The following MACROD2 variants were observed in gnomAD, a reference collection of about 807,000 sequenced individuals.
MACROD2 encodes mono-ADP ribosylhydrolase 2, also known as ADP-ribose glycohydrolase MACROD2.
Under a neutral mutation model 70.4 loss-of-function variants are expected in MACROD2, and 36 were observed. The observed-to-expected ratio is 0.51, with a 90% CI of 0.39 to 0.68. MACROD2 has a LOEUF of 0.68. Ranked by LOEUF, MACROD2 falls within the 30% of genes least tolerant of loss-of-function variation. MACROD2 has a pLI of 0.00. For synonymous variants in MACROD2, 172 were observed against 178.8 expected (o/e 0.96, Z 0.30); for missense variants, 496 against 538.4 (o/e 0.92, Z 0.78).
chr20:13,996,559 C>T (rs866711769), intron 1 of MACROD2: 1 of 152,218 alleles, frequency 6.6e-6, no homozygotes, highest in African/African-American at 2.4e-5. Flanking sequence ...ATGAACCCAT[C>T]TCTGAATTTT....
intron 3 of MACROD2, among the ~76,000 whole-genome samples, chr20:14,187,113 A>G (rs898677750): frequency 3.3e-5 from 5 of 149,760 alleles, no homozygotes; most frequent in African/African-American, 1.2e-4. Flanking sequence ...CTAAAAGTTG[A>G]GAAAGAATGC....
At chr20:15,860,360 C>T (rs1161012205) in intron 8 of MACROD2, among the ~76,000 whole-genome samples, 1 of 152,022 alleles carries the variant, frequency 6.6e-6, no homozygotes, top group Non-Finnish European at 1.5e-5. Flanking sequence ...TGCATTAAGC[C>T]AAATTTTCTT....
chr20:15,650,043 GAC>G (rs2146793747), intron 8 of MACROD2, among the ~76,000 whole-genome samples: 1 of 152,196 alleles, frequency 6.6e-6, no homozygotes, highest in South Asian at 2.1e-4. Context: ...AATATTGTAA[GAC>G]AATAGCTTCC....
intron 5 of MACROD2, among the ~76,000 whole-genome samples, chr20:15,125,192 G>A (rs2076057802): frequency 6.6e-6 from 1 of 152,002 alleles, no homozygotes; most frequent in Non-Finnish European, 1.5e-5. Context: ...CTCATCGACT[G>A]CATGGCACTA....
At chr20:14,471,894 G>A (rs2084535166) in intron 3 of MACROD2, among the ~76,000 whole-genome samples, 1 of 151,984 alleles carries the variant, frequency 6.6e-6, no homozygotes, top group Non-Finnish European at 1.5e-5. Context: ...CACTATTTTT[G>A]CTTGGGAAAA....
intron 2 of MACROD2, among the ~76,000 whole-genome samples, chr20:14,061,315 A>G (rs1267897294): frequency 6.6e-6 from 1 of 152,202 alleles, no homozygotes; most frequent in Non-Finnish European, 1.5e-5. Context: ...TTAAAATTGC[A>G]TGAAAATATG....
At chr20:14,559,268 A>T (rs1426119410) in intron 4 of MACROD2, among the ~76,000 whole-genome samples, 1 of 151,762 alleles carries the variant, frequency 6.6e-6, no homozygotes, top group East Asian at 1.9e-4. Flanking sequence ...TTTTTAAGGG[A>T]TGTATGTTAA....
intron 6 of MACROD2, among the ~76,000 whole-genome samples, chr20:15,361,973 C>T (rs2078356405): frequency 1.3e-5 from 2 of 151,196 alleles, no homozygotes; most frequent in Admixed American, 6.6e-5. Flanking sequence ...TATACACCAT[C>T]ATCTCCTCTC....
intron 3 of MACROD2, among the ~76,000 whole-genome samples, chr20:14,313,914 A>G (rs762824601): frequency 1.3e-5 from 2 of 152,216 alleles, no homozygotes; most frequent in African/African-American, 2.4e-5. Flanking sequence ...ATACAAGACT[A>G]TAGTTGCCTG....
At chr20:15,733,837 C>T (rs1249379553) in intron 8 of MACROD2, among the ~76,000 whole-genome samples, 1 of 152,208 alleles carries the variant, frequency 6.6e-6, no homozygotes, top group African/African-American at 2.4e-5. Flanking sequence ...TTGAATTCAA[C>T]TTCTTTCACC....
At chr20:15,807,794 A>C (rs563608222) in intron 8 of MACROD2, among the ~76,000 whole-genome samples, 115 of 152,242 alleles carry the variant, frequency 7.6e-4, no homozygotes, top group African/African-American at 2.7e-3. Flanking sequence ...AAGTTCTGGA[A>C]ATAAGGGACC....
chr20:14,875,892 G>A (rs1039043853), intron 5 of MACROD2, among the ~76,000 whole-genome samples: 3 of 152,058 alleles, frequency 2.0e-5, no homozygotes, highest in East Asian at 3.9e-4. Flanking sequence ...TCTATTGATG[G>A]CCACGTAGAT....
At chr20:14,051,969 G>C (rs767232916) in intron 2 of MACROD2, 48 of 514,322 alleles carry the variant, frequency 9.3e-5, no homozygotes, top group Admixed American at 1.2e-4. Flanking sequence ...GCATGGGAAA[G>C]AGTGCCTGAG....
intron 5 of MACROD2, among the ~76,000 whole-genome samples, chr20:15,160,871 A>G (rs769080205): frequency 4.6e-5 from 7 of 152,140 alleles, no homozygotes; most frequent in Non-Finnish European, 1.0e-4. Flanking sequence ...GATGATAGCT[A>G]ATTCCATGTG....
chr20:14,799,717 A>G (rs1409305069), intron 5 of MACROD2, among the ~76,000 whole-genome samples: 1 of 152,056 alleles, frequency 6.6e-6, no homozygotes, highest in Non-Finnish European at 1.5e-5. Context: ...TAAGTATATT[A>G]GGTAACAGTA....
At chr20:14,388,109 A>C (rs934544197) in intron 3 of MACROD2, among the ~76,000 whole-genome samples, 4 of 151,152 alleles carry the variant, frequency 2.6e-5, no homozygotes, top group Non-Finnish European at 5.9e-5. Flanking sequence ...TCCAGGGTTC[A>C]TGCCATTCTC....
chr20:14,681,490 A>T (rs969159045), intron 4 of MACROD2, among the ~76,000 whole-genome samples: 1 of 152,210 alleles, frequency 6.6e-6, no homozygotes, highest in African/African-American at 2.4e-5. Context: ...GAGTAAAAGA[A>T]GGCAGTCTCT....
chr20:14,785,413 G>GA (rs142177280), intron 5 of MACROD2, among the ~76,000 whole-genome samples: 7,099 of 152,018 alleles, frequency 0.047, 198 homozygotes, highest in African/African-American at 0.054. Context: ...ATGATAACCA[G>GA]AAAAAATGTT....
intron 6 of MACROD2, among the ~76,000 whole-genome samples, chr20:15,307,633 C>G (rs766067575): frequency 2.0e-5 from 3 of 152,130 alleles, no homozygotes; most frequent in Non-Finnish European, 4.4e-5. Flanking sequence ...GAGACACTCT[C>G]ATATATAACT....
Sources: gnomAD v4.1 joint callset for allele counts (sites outside exome capture counted in the v4.1 genomes callset) on GRCh38, gnomAD v4.1.1 for gene constraint, MANE v1.5 for transcripts, NCBI Gene and HGNC (gene_info 2026-07-23, HGNC 2026-07-21) for gene names.